Variants in MED20 observed in about 807,000 individuals in gnomAD.
The protein encoded by MED20 is mediator of RNA polymerase II transcription subunit 20.
Under a neutral mutation model 19.7 loss-of-function variants are expected in MED20, and 19 were observed. The observed-to-expected ratio is 0.96, with a 90% CI of 0.67 to 1.42. The LOEUF is 1.42. Ranked by LOEUF, MED20 falls within the 40% of genes most tolerant of loss-of-function variation. The pLI, the probability that MED20 is intolerant of heterozygous loss-of-function variation, is 0.00. For synonymous variants in MED20, 105 were observed against 104.8 expected (o/e 1.00, Z -0.01); for missense variants, 225 against 273.0 (o/e 0.82, Z 1.24).
intron 2 of MED20, 101 bp downstream of exon 2, chr6:41,916,684 G>T: frequency 6.9e-7 from 1 of 1,444,182 alleles, no homozygotes; most frequent in Non-Finnish European, 9.5e-7. Flanking sequence ...ACATGTTTAA[G>T]AATACCACCT....
At chr6:41,919,520 G>T (rs1258426029) in intron 1 of MED20, among the ~76,000 whole-genome samples, 1 of 152,102 alleles carries the variant, frequency 6.6e-6, no homozygotes, top group African/African-American at 2.4e-5. Flanking sequence ...GCCTTATTTT[G>T]AAATACAAAA....
chr6:41,912,608 C>T (rs1430783432), intron 2 of MED20, among the ~76,000 whole-genome samples: 6 of 152,000 alleles, frequency 3.9e-5, no homozygotes, highest in Non-Finnish European at 8.8e-5. Flanking sequence ...CTGCCCGCCT[C>T]GGCCTCCCAA....
intron 2 of MED20, among the ~76,000 whole-genome samples, chr6:41,911,143 T>C (rs1216717234): frequency 6.6e-6 from 1 of 150,636 alleles, no homozygotes. Context: ...ATGAGAGAGA[T>C]AGGCTAAAAA....
chr6:41,915,941 T>C (rs753477738), intron 2 of MED20, among the ~76,000 whole-genome samples: 3 of 152,148 alleles, frequency 2.0e-5, no homozygotes, highest in Non-Finnish European at 4.4e-5. Context: ...TACTTGTGTA[T>C]CAACTATACC....
rs577765780 is a variant in MED20, at chr6:41,920,887, C to G, written c.14+118G>C. 80 of 1,359,880 alleles carry G rather than the reference C, an allele frequency of 5.9e-5. 1 individual carries two copies. The South Asian group carries it at 1.2e-3, about 20-fold the overall frequency. 84.2% of individuals were successfully genotyped at this position (1,359,880 alleles called of 1,614,324 possible). A position where few individuals can be genotyped will look rare whatever the true frequency, so the allele number is the denominator to read the frequency against. ...CGCAGCCCGGACGGCATCCTCTCAT[C>G]TACACAACCCGAGGACATCTCCCTC... is the stretch of plus-strand genomic sequence containing the variant. On this transcript the variant is annotated intron_variant, in intron 1 of 3. Transcript: ENST00000265350.
At chr6:41,908,953 TGGGA>T (rs970715713) in intron 3 of MED20, 1 of 393,938 alleles carries the variant, frequency 2.5e-6, no homozygotes, top group African/African-American at 2.0e-5. Context: ...GGGGCTGAGA[TGGGA>T]GGATCAATTG....
chr6:41,912,689 T>C (rs2127377570), intron 2 of MED20, among the ~76,000 whole-genome samples: 2 of 152,248 alleles, frequency 1.3e-5, no homozygotes, highest in Middle Eastern at 6.8e-3. Flanking sequence ...GCAAAATCCT[T>C]TCATGTCTGT....
chr6:41,909,103 G>A (rs1354669868), intron 3 of MED20, 166 bp downstream of exon 3: 16 of 843,832 alleles, frequency 1.9e-5, no homozygotes, highest in Admixed American at 2.6e-5. Context: ...GAGCCCTGGA[G>A]GTCGAGGCTA....
chr6:41,908,607 T>C (rs1775113309), intron 3 of MED20, among the ~76,000 whole-genome samples: 1 of 152,130 alleles, frequency 6.6e-6, no homozygotes, highest in African/African-American at 2.4e-5. Context: ...CGCCAGAAAA[T>C]TGTTCTAAGA....
At chr6:41,919,168 C>T (rs1446166828) in intron 1 of MED20, among the ~76,000 whole-genome samples, 1 of 143,140 alleles carries the variant, frequency 7.0e-6, no homozygotes, top group African/African-American at 2.6e-5. Context: ...AACTTAAGTA[C>T]AGCACAAAGA....
chr6:41,921,073 T>TC lies in MED20; in HGVS notation c.-56dup. On this transcript the variant is annotated 5_prime_UTR_variant, in exon 1 of 4. Transcript: ENST00000265350. ...CACAGTAGAAACGCAGGGTTCCCTG[T>TC]CCGCCCACAGAAACTCCTTCAGTTC... 6.2e-7 allele frequency: 1 copy of TC among 1,603,944 alleles called. No individual in the cohort carries two copies. The highest frequency in any genetic ancestry group is 1.3e-5 in the African/African-American group (1 of 74,378).
chr6:41,911,064 G>A (rs1443137209), intron 2 of MED20, among the ~76,000 whole-genome samples: 12 of 150,674 alleles, frequency 8.0e-5, no homozygotes, highest in Non-Finnish European at 1.6e-4. Context: ...AGCCGAGATC[G>A]TGCCACTGCA....
rs544296862 is a variant in MED20, at chr6:41,913,987, T to C, written c.169+2798A>G. ...AACATGAGGAGAGAAGTACTATGAT[T>C]ATCTTCATTTTATAGATGAGAGAAC... On this transcript the variant is annotated intron_variant, in intron 2 of 3. Coordinates refer to ENST00000265350, the MANE Select transcript of MED20 (RefSeq NM_004275.5). 1.8e-3 allele frequency among the ~76,000 whole-genome samples: 267 copies of C among 152,334 alleles called. 1 individual carries two copies. The highest frequency in any genetic ancestry group is 3.1e-3 in the Non-Finnish European group (211 of 68,030).
At chr6:41,920,540 G>A (rs1373971804) in intron 1 of MED20, among the ~76,000 whole-genome samples, 1 of 152,154 alleles carries the variant, frequency 6.6e-6, no homozygotes, top group Non-Finnish European at 1.5e-5. Context: ...TACAACCATT[G>A]ATAGGTTCCT....
chr6:41,916,175 G>T (rs1251170088), intron 2 of MED20, among the ~76,000 whole-genome samples: 1 of 151,576 alleles, frequency 6.6e-6, no homozygotes, highest in East Asian at 2.0e-4. Context: ...TTGAGCCCAA[G>T]GGTCGAGGCT....
intron 1 of MED20, among the ~76,000 whole-genome samples, chr6:41,918,540 A>G (rs1269673045): frequency 3.3e-5 from 5 of 150,932 alleles, no homozygotes; most frequent in East Asian, 3.9e-4. Context: ...TTGGCCAGGC[A>G]CGGTGGCTCA....
At position 41,906,405 on chromosome 6, in the gene MED20, T is replaced by G. The variant is rs1775048665; in HGVS notation, c.*667A>C. On this transcript the variant is annotated 3_prime_UTR_variant, in exon 4 of 4. Transcript: ENST00000265350. The stretch of plus-strand genomic sequence containing the variant: ...CTAGACCATCTGATTACCTCTCTAT[T>G]ATTAGGTGAGAAAAAAACAAACTTC... 1 of 152,268 alleles carries G rather than the reference T, an allele frequency of 6.6e-6. No homozygotes were observed. The highest frequency in any genetic ancestry group is 2.4e-5 in the African/African-American group (1 of 41,430). The allele number at this position is 152,268 out of a possible 1,614,324, so 9.4% of individuals were successfully genotyped here.
intron 2 of MED20, among the ~76,000 whole-genome samples, chr6:41,916,499 G>C (rs1023705612): frequency 2.6e-5 from 4 of 151,882 alleles, no homozygotes; most frequent in Non-Finnish European, 5.9e-5. Flanking sequence ...AGAATCACTT[G>C]AACCTGGGAG....
chr6:41,910,929 T>TGTCTACTA (rs1315189115), intron 2 of MED20, among the ~76,000 whole-genome samples: 17 of 151,472 alleles, frequency 1.1e-4, no homozygotes, highest in Non-Finnish European at 2.5e-4. Flanking sequence ...GCCAACATGG[T>TGTCTACTA]AAAACCTCGT....
Sources: gnomAD v4.1 joint callset for allele counts (sites outside exome capture counted in the v4.1 genomes callset) on GRCh38, gnomAD v4.1.1 for gene constraint, MANE v1.5 for transcripts, NCBI Gene and HGNC (gene_info 2026-07-23, HGNC 2026-07-21) for gene names.